Variants in WWP2 observed in about 807,000 individuals in gnomAD.
The protein encoded by WWP2 is NEDD4-like E3 ubiquitin-protein ligase WWP2.
Under a neutral mutation model 121.0 loss-of-function variants are expected in WWP2, and 57 were observed. The ratio of observed to expected loss-of-function variants is 0.47; its 90% CI spans 0.38 to 0.59. WWP2 has a LOEUF of 0.59. Among genes scored for constraint, WWP2 ranks in the 20% least tolerant of loss-of-function variants. The pLI, the probability that WWP2 is intolerant of heterozygous loss-of-function variation, is 0.00. For missense variants in WWP2, 962 were observed against 1,158.9 expected (o/e 0.83, Z 2.47); for synonymous variants, 449 against 441.3 (o/e 1.02, Z -0.22).
intron 6 of WWP2, among the ~76,000 whole-genome samples, chr16:69,869,880 C>T (rs962006801): frequency 2.0e-5 from 3 of 152,160 alleles, no homozygotes; most frequent in Non-Finnish European, 4.4e-5. Flanking sequence ...ACACACTGGA[C>T]CAAAGACTCC....
chr16:69,806,223 A>G (rs2056271809), intron 4 of WWP2, among the ~76,000 whole-genome samples: 1 of 152,198 alleles, frequency 6.6e-6, no homozygotes, highest in Non-Finnish European at 1.5e-5. Flanking sequence ...TTAAAAATCT[A>G]TTATATGAAT....
chr16:69,789,978 C>T (rs531127016), intron 2 of WWP2, among the ~76,000 whole-genome samples: 2 of 152,304 alleles, frequency 1.3e-5, no homozygotes, highest in East Asian at 1.9e-4. Flanking sequence ...TGCGGTGGCT[C>T]ACGCCTGTAA....
At chr16:69,820,823 T>TACAC (rs568569436) in intron 4 of WWP2, among the ~76,000 whole-genome samples, 3 of 122,934 alleles carry the variant, frequency 2.4e-5, no homozygotes, top group Non-Finnish European at 3.5e-5. Context: ...AATACATGCA[T>TACAC]ATACACACAC....
Position 69,931,167 on chromosome 16 carries a change from C to G in WWP2, c.1461C>G (p.Ser487=), listed in dbSNP as rs773300139. The stretch of plus-strand genomic sequence containing the variant: ...CTCTTCCTAGGACGAAGCAAGGTTC[C>G]CCTGGTGCTTATGACCGCAGTTTTC... ...PGFESGTKQG[S]PGAYDRSFRW... The change falls in exon 14 of 24, where the codon TCC becomes TCG. Residue 487 remains serine (S), a synonymous_variant. Transcript: ENST00000359154. 7 of 1,614,146 alleles carry G rather than the reference C, an allele frequency of 4.3e-6. No individual in the cohort carries two copies. The South Asian group carries it at 7.7e-5, about 18-fold the overall frequency.
At chr16:69,931,361 G>C in intron 14 of WWP2, 134 bp downstream of exon 14, 2 of 1,460,852 alleles carry the variant, frequency 1.4e-6, no homozygotes, top group South Asian at 2.4e-5. Flanking sequence ...ACCCGGAGCT[G>C]GCTGTCTCTA....
rs2058816529 is a variant in WWP2, at chr16:69,937,451, A to G, written c.2239-97A>G. 2 of 1,410,540 alleles carry G rather than the reference A, an allele frequency of 1.4e-6. No homozygotes were observed. The highest frequency in any genetic ancestry group is 2.5e-5 in the South Asian group (2 of 81,470). 87.4% of individuals were successfully genotyped at this position (1,410,540 alleles called of 1,614,324 possible). On this transcript the variant is annotated intron_variant, in intron 20 of 23. Coordinates refer to ENST00000359154, the MANE Select transcript of WWP2 (RefSeq NM_001270454.2). The surrounding 1 kb of genome is among the most constrained non-coding windows in gnomAD (Gnocchi z 6.6). ...TATTATTAACGCTGACACCAAAAAT[A>G]GCTAGTTGAATATGTTTGGGGTAAT...
intron 6 of WWP2, among the ~76,000 whole-genome samples, chr16:69,862,110 G>T (rs142699195): frequency 6.6e-6 from 1 of 152,116 alleles, no homozygotes; most frequent in South Asian, 2.1e-4. Flanking sequence ...TTGTTGCCCC[G>T]GCTGGAGTGC....
chr16:69,859,691 G>GC (rs1342302567), intron 6 of WWP2, among the ~76,000 whole-genome samples: 3 of 151,944 alleles, frequency 2.0e-5, no homozygotes, highest in Non-Finnish European at 4.4e-5. Flanking sequence ...CTTCCCCCTG[G>GC]CCCCGACCCC....
At chr16:69,798,544 T>G (rs975447842) in intron 2 of WWP2, 138 bp from the exon 3 acceptor site, 1 of 1,068,038 alleles carries the variant, frequency 9.4e-7, no homozygotes, top group Middle Eastern at 3.4e-4. Context: ...CTTTAAAAAG[T>G]TTTTAGAATC....
chr16:69,872,310 G>A (rs895297169), intron 7 of WWP2, among the ~76,000 whole-genome samples: 2 of 151,614 alleles, frequency 1.3e-5, no homozygotes, highest in Admixed American at 1.3e-4. Context: ...TCCGCCTCCC[G>A]GGTTCATGCC....
At chr16:69,784,663 T>C (rs2151791007) in intron 1 of WWP2, among the ~76,000 whole-genome samples, 1 of 152,328 alleles carries the variant, frequency 6.6e-6, no homozygotes, top group Middle Eastern at 3.4e-3. Flanking sequence ...TAATATTCTG[T>C]GTGCTGAAAT....
intron 7 of WWP2, among the ~76,000 whole-genome samples, chr16:69,872,303 G>A (rs2057656334): frequency 2.0e-5 from 3 of 151,432 alleles, no homozygotes; most frequent in South Asian, 2.1e-4. Context: ...TGCAAGCTCC[G>A]CCTCCCGGGT....
intron 1 of WWP2, among the ~76,000 whole-genome samples, chr16:69,765,810 T>C (rs994786999): frequency 1.3e-5 from 2 of 152,032 alleles, no homozygotes; most frequent in African/African-American, 4.8e-5. Flanking sequence ...GGTGATGAAG[T>C]GAGACTCCGT....
At chr16:69,798,981 C>T (rs1427088438) in intron 3 of WWP2, 152 bp downstream of exon 3, 1 of 1,338,000 alleles carries the variant, frequency 7.5e-7, no homozygotes, top group East Asian at 2.3e-5. Context: ...GTTCCTACAC[C>T]ATTGAGCTCA....
intron 6 of WWP2, among the ~76,000 whole-genome samples, chr16:69,851,952 C>T (rs2151890285): frequency 6.6e-6 from 1 of 151,116 alleles, no homozygotes; most frequent in Non-Finnish European, 1.5e-5. Flanking sequence ...CACTGCACTC[C>T]AGCCTGGCGA....
intron 7 of WWP2, among the ~76,000 whole-genome samples, chr16:69,886,977 C>G (rs1050134695): frequency 9.2e-5 from 14 of 152,208 alleles, no homozygotes; most frequent in Admixed American, 4.6e-4. Context: ...CATATGCAAT[C>G]ATATATATGG....
chr16:69,917,589 A>T, intron 9 of WWP2, 120 bp from the exon 10 acceptor site: 1 of 1,192,390 alleles, frequency 8.4e-7, no homozygotes, highest in South Asian at 1.5e-5. Context: ...TAATCAGCTA[A>T]GCCCCAGCAA....
Position 69,937,488 on chromosome 16 carries a change from G to A in WWP2, c.2239-60G>A, listed in dbSNP as rs2058816979. On this transcript the variant is annotated intron_variant, in intron 20 of 23. Transcript: ENST00000359154. The surrounding 1 kb of genome is among the most constrained non-coding windows in gnomAD (Gnocchi z 6.6). ...ATGTTTGGGGTAATGTCAAGTGCTA[G>A]CGAGTGGACGATGCGCGGGGAGGGA... 3.8e-6 allele frequency: 6 copies of A among 1,563,948 alleles called. No homozygotes were observed. In the African/African-American group the frequency reaches 5.4e-5, roughly 14 times the overall value.
intron 1 of WWP2, among the ~76,000 whole-genome samples, chr16:69,779,314 A>T (rs2055614136): frequency 6.6e-6 from 1 of 152,214 alleles, no homozygotes; most frequent in African/African-American, 2.4e-5. Flanking sequence ...TGCCTACATT[A>T]TATAATGTCA....
Sources: gnomAD v4.1 joint callset for allele counts (sites outside exome capture counted in the v4.1 genomes callset) on GRCh38, gnomAD v4.1.1 for gene constraint, Gnocchi (gnomAD v3.1) non-coding constraint, MANE v1.5 for transcripts, NCBI Gene and HGNC (gene_info 2026-07-23, HGNC 2026-07-21) for gene names.